ARMS2: variants seen among roughly 807,000 people sequenced by gnomAD.
The protein encoded by ARMS2 is age-related maculopathy susceptibility protein 2.
A neutral mutation model predicts 6.0 loss-of-function variants in ARMS2; 4 were observed. That is an observed-to-expected ratio of 0.67 (90% confidence interval 0.33 to 1.53). ARMS2 has a LOEUF of 1.53. ARMS2 is among the 40% of genes most tolerant of loss of function. The probability of loss-of-function intolerance (pLI) is 0.06; values close to 1 mark genes in which losing one functional copy is unlikely to be tolerated. For synonymous variants in ARMS2, 49 were observed against 51.7 expected, an observed-to-expected ratio of 0.95 and a Z score of 0.22; for missense variants, 99 against 127.6, an observed-to-expected ratio of 0.78 and a Z score of 1.08.
chr10:122,456,871 TAAAA>T, intron 1 of ARMS2, 32 bp from the exon 2 acceptor site: 1 of 1,549,950 alleles, frequency 6.5e-7, no homozygotes, highest in Non-Finnish European at 8.7e-7. Flanking sequence ...CATGTGTCTT[TAAAA>T]ATGCATATTA....
At position 122,454,703 on chromosome 10, in the gene ARMS2, A is replaced by G. The variant is rs1409333323; in HGVS notation, c.-25A>G. On this transcript the variant is annotated 5_prime_UTR_variant, in exon 1 of 2. Transcript: ENST00000528446. ...TTGGCAAGGGGACAGCACCTTTGTCACCACATTATGTCCCTGTACCCTACA... is the reference window on the plus strand; with the variant it reads ...TTGGCAAGGGGACAGCACCTTTGTCGCCACATTATGTCCCTGTACCCTACA... The G allele has an allele frequency of 6.2e-7, 1 of 1,602,648 alleles. No homozygotes were observed. Among genetic ancestry groups the G allele is most frequent in the Admixed American group, 1.7e-5 (1 of 59,780 alleles).
rs536799180 is a variant in ARMS2, at chr10:122,457,094, C to T, written c.*161C>T. ...GTCCACAGGACTCTCTTCCCACCTG[C>T]GGCCACACTGTGCAACCTGGAATTT... is the stretch of plus-strand genomic sequence containing the variant. On this transcript the variant is annotated 3_prime_UTR_variant, in exon 2 of 2. Transcript: ENST00000528446. 6.7e-4 allele frequency: 604 copies of T among 899,424 alleles called. 3 individuals carry two copies. The highest frequency in any genetic ancestry group is 1.1e-3 in the Admixed American group (38 of 34,528). 55.7% of individuals were successfully genotyped at this position (899,424 alleles called of 1,614,324 possible).
In ARMS2 at chr10:122,454,944, A is replaced by G; in HGVS notation, c.217A>G (p.Thr73Ala). 6.2e-7 allele frequency: 1 copy of G among 1,613,846 alleles called. No individual in the cohort carries two copies. The highest frequency in any genetic ancestry group is 8.5e-7 in the Non-Finnish European group (1 of 1,179,840). The change falls in exon 1 of 2, where the codon ACT (threonine) becomes GCT (alanine). Residue 73 changes from threonine to alanine, a missense_variant. By Grantham distance (58) the Thr-to-Ala change is moderately conservative. Coordinates refer to ENST00000528446, the MANE Select transcript of ARMS2 (RefSeq NM_001099667.3). ...CATGATCCCAGCTGCTAAAATCCAC[A>G]CTGAGCTCTGCTTACCAGCCTTCTT... ...HSMIPAAKIH[T>A]ELCLPAFFSP...
chr10:122,454,879 C>G lies in ARMS2; in HGVS notation c.152C>G (p.Ala51Gly). 4 of 1,613,884 alleles carry G rather than the reference C, an allele frequency of 2.5e-6. No homozygotes were observed. Among genetic ancestry groups the G allele is most frequent in the Non-Finnish European group, 3.4e-6 (4 of 1,179,852 alleles). Residue 51 changes from alanine (A) to glycine (G), a missense_variant, in exon 1 of 2, where the codon GCC (alanine) becomes GGC (glycine). Coordinates refer to ENST00000528446, the MANE Select transcript of ARMS2 (RefSeq NM_001099667.3). Reference sequence around the variant, plus strand: ...GACCCTGGAGTTGGTGGAGAAGGAGCCAGTGACAAGCAGAGGAGCAAACTG... The same window carrying G: ...GACCCTGGAGTTGGTGGAGAAGGAGGCAGTGACAAGCAGAGGAGCAAACTG... ...VLDPGVGGEG[A>G]SDKQRSKLSL...
Position 122,454,785 on chromosome 10 carries a change from G to A in ARMS2, c.58G>A (p.Glu20Lys). The change falls in exon 1 of 2, where the codon GAG (glutamate) becomes AAG (lysine). Residue 20 changes from glutamate (E) to lysine (K), a missense_variant. By Grantham distance (56) the Glu-to-Lys change is moderately conservative (BLOSUM62 1). Transcript: ENST00000528446. ...TGAGGCGGAGGGGAAAGGAGGGCCT[G>A]AGATGGCAAGTCTGTCCTCCTCGGT... Reference protein sequence around the residue: ...VTEAEGKGGPEMASLSSSVVP... With the variant: ...VTEAEGKGGPKMASLSSSVVP... The A allele has an allele frequency of 6.2e-7, 1 of 1,614,034 alleles. No individual in the cohort carries two copies. Among genetic ancestry groups the A allele is most frequent in the Non-Finnish European group, 8.5e-7 (1 of 1,179,894 alleles).
At position 122,454,809 on chromosome 10, in the gene ARMS2, G is replaced by A; in HGVS notation, c.82G>A (p.Val28Met). The A allele has an allele frequency of 6.2e-7, 1 of 1,614,030 alleles. No homozygotes were observed. Among genetic ancestry groups the A allele is most frequent in the East Asian group, 2.2e-5 (1 of 44,880 alleles). Residue 28 changes from valine (V) to methionine (M), a missense_variant, in exon 1 of 2, where the codon GTG becomes ATG. Val to Met is a conservative substitution (Grantham distance 21). Transcript: ENST00000528446. ...TGAGATGGCAAGTCTGTCCTCCTCG[G>A]TGGTTCCTGTGTCCTTCATTTCCAC... ...GPEMASLSSSVVPVSFISTLR... is the reference protein window; with the variant it reads ...GPEMASLSSSMVPVSFISTLR...
chr10:122,455,460 G>A (rs36212731), intron 1 of ARMS2, among the ~76,000 whole-genome samples: 10 of 151,974 alleles, frequency 6.6e-5, no homozygotes, highest in Admixed American at 2.6e-4. Flanking sequence ...ATATTCTCAC[G>A]GCTTTCCAGT....
Position 122,457,020 on chromosome 10 carries a change from G to T in ARMS2, c.*87G>T. ...CCAAAAATCCTTAGGAGGACAGAGG[G>T]AGTCCCTCACAACCTAGACTGGTCC... On this transcript the variant is annotated 3_prime_UTR_variant, in exon 2 of 2. Transcript: ENST00000528446. The T allele has an allele frequency of 6.5e-7, 1 of 1,528,284 alleles. No individual in the cohort carries two copies. Among genetic ancestry groups the T allele is most frequent in the Non-Finnish European group, 8.9e-7 (1 of 1,127,982 alleles). The allele number at this position is 1,528,284 out of a possible 1,614,324, so 94.7% of individuals were successfully genotyped here. A position where few individuals can be genotyped will look rare whatever the true frequency, so the allele number is the denominator to read the frequency against.
rs1001905146 is a variant in ARMS2, at chr10:122,457,059, T to C, written c.*126T>C. 18 of 1,260,304 alleles carry C rather than the reference T, an allele frequency of 1.4e-5. 1 individual carries two copies. Among genetic ancestry groups the C allele is most frequent in the Middle Eastern group, 1.9e-4 (1 of 5,242 alleles). 78.1% of individuals were successfully genotyped at this position (1,260,304 alleles called of 1,614,324 possible). On this transcript the variant is annotated 3_prime_UTR_variant, in exon 2 of 2. Transcript: ENST00000528446. ...CTAGACTGGTCCCCTTCCCTCCAGC[T>C]GCCTCAACTGTCCACAGGACTCTCT...
At position 122,456,870 on chromosome 10, in the gene ARMS2, T is replaced by C. The variant is rs574972598; in HGVS notation, c.298-37T>C. ...CAACCTAAAATATCGTCATGTGTCTTTAAAAATGCATATTACTAAATCTAT... is the reference window on the plus strand; with the variant it reads ...CAACCTAAAATATCGTCATGTGTCTCTAAAAATGCATATTACTAAATCTAT... On this transcript the variant is annotated intron_variant, in intron 1 of 1. Coordinates refer to ENST00000528446, the MANE Select transcript of ARMS2 (RefSeq NM_001099667.3). 336 of 1,495,200 alleles carry C rather than the reference T, an allele frequency of 2.2e-4. 2 individuals are homozygous for C. The African/African-American group carries it at 4.5e-3, about 20-fold the overall frequency. The allele number at this position is 1,495,200 out of a possible 1,614,324, so 92.6% of individuals were successfully genotyped here. A position where few individuals can be genotyped will look rare whatever the true frequency, so the allele number is the denominator to read the frequency against.
At position 122,457,089 on chromosome 10, in the gene ARMS2, A is replaced by C; in HGVS notation, c.*156A>C. On this transcript the variant is annotated 3_prime_UTR_variant, in exon 2 of 2. Transcript: ENST00000528446. ...CAACTGTCCACAGGACTCTCTTCCC[A>C]CCTGCGGCCACACTGTGCAACCTGG... 1 of 928,786 alleles carries C rather than the reference A, an allele frequency of 1.1e-6. No individual in the cohort carries two copies. Among genetic ancestry groups the C allele is most frequent in the Non-Finnish European group, 1.6e-6 (1 of 626,566 alleles). 57.5% of individuals were successfully genotyped at this position (928,786 alleles called of 1,614,324 possible).
chr10:122,456,501 A>G (rs1338283320), intron 1 of ARMS2, among the ~76,000 whole-genome samples: 1 of 151,990 alleles, frequency 6.6e-6, no homozygotes, highest in Non-Finnish European at 1.5e-5. Context: ...CTAAAAATAC[A>G]GAAATTAGCC....
At chr10:122,456,653 CAAAA>C (rs111270448) in intron 1 of ARMS2, among the ~76,000 whole-genome samples, 1 of 122,400 alleles carries the variant, frequency 8.2e-6, no homozygotes, top group African/African-American at 3.0e-5. Context: ...GACTCTATCT[CAAAA>C]AAAAAAAAAA....
At chr10:122,456,453 G>A (rs1374000697) in intron 1 of ARMS2, among the ~76,000 whole-genome samples, 1 of 151,950 alleles carries the variant, frequency 6.6e-6, no homozygotes, top group Non-Finnish European at 1.5e-5. Context: ...TCAGGAGTTT[G>A]AGACCAGCCT....
intron 1 of ARMS2, 115 bp from the exon 2 acceptor site, chr10:122,456,792 T>C: frequency 7.0e-7 from 1 of 1,430,582 alleles, no homozygotes; most frequent in South Asian, 1.4e-5. Flanking sequence ...TCTATACTTC[T>C]TACCCTATTG....
intron 1 of ARMS2, among the ~76,000 whole-genome samples, chr10:122,456,458 C>A (rs1009266628): frequency 6.6e-6 from 1 of 151,644 alleles, no homozygotes; most frequent in Non-Finnish European, 1.5e-5. Context: ...AGTTTGAGAC[C>A]AGCCTGGTCA....
At position 122,454,750 on chromosome 10, in the gene ARMS2, C is replaced by T. The variant is rs778271975; in HGVS notation, c.23C>T (p.Pro8Leu). 13 of 1,613,764 alleles carry T rather than the reference C, an allele frequency of 8.1e-6. No homozygotes were observed. Among genetic ancestry groups the T allele is most frequent in the African/African-American group, 2.7e-5 (2 of 74,880 alleles). ...TACATGCTGCGCCTATACCCAGGAC[C>T]GATGGTAACTGAGGCGGAGGGGAAA... is the stretch of plus-strand genomic sequence containing the variant. MLRLYPG[P>L]MVTEAEGKGG... Residue 8 changes from proline (P) to leucine (L), a missense_variant, in exon 1 of 2, where the codon CCG becomes CTG. Pro to Leu is a moderately conservative substitution (Grantham distance 98). Transcript: ENST00000528446.
rs1441323483 is a variant in ARMS2, at chr10:122,454,667, T to C, written c.-61T>C. 4.4e-6 allele frequency: 7 copies of C among 1,581,116 alleles called. No individual in the cohort carries two copies. The African/African-American group carries it at 8.1e-5, about 18-fold the overall frequency. On this transcript the variant is annotated 5_prime_UTR_variant, in exon 1 of 2. It removes an upstream start codon present in the reference 5' UTR. Coordinates refer to ENST00000528446, the MANE Select transcript of ARMS2 (RefSeq NM_001099667.3). ...AGACAATGCTCCTGGCTGAGTGAGA[T>C]GGCAGCTGGCTTGGCAAGGGGACAG...
rs76369174 is a variant in ARMS2, at chr10:122,455,059, C to T, written c.297+35C>T. On this transcript the variant is annotated intron_variant, in intron 1 of 1. Coordinates refer to ENST00000528446, the MANE Select transcript of ARMS2 (RefSeq NM_001099667.3). ...GCAGATGATCAGGCCTTACCCCAGA[C>T]CTATTGAATCAGAAATTCTGGAGTG... 3,127 of 1,201,176 alleles carry T rather than the reference C, an allele frequency of 2.6e-3. 52 individuals are homozygous for T. In the African/African-American group the frequency reaches 0.042, roughly 16 times the overall value. The allele number at this position is 1,201,176 out of a possible 1,614,324, so 74.4% of individuals were successfully genotyped here.
Sources: allele counts gnomAD v4.1 joint callset (sites outside exome capture counted in the v4.1 genomes callset), GRCh38; gene constraint gnomAD v4.1.1; transcripts MANE v1.5; gene names NCBI Gene and HGNC (gene_info 2026-07-23, HGNC 2026-07-21).